MTHFD1L: variants seen among roughly 807,000 people sequenced by gnomAD.
MTHFD1L encodes the protein methylenetetrahydrofolate dehydrogenase (NADP+ dependent) 1 like.
A neutral mutation model predicts 119.5 loss-of-function variants in MTHFD1L; 81 were observed. That is an observed-to-expected ratio of 0.68 (90% CI 0.57 to 0.82). MTHFD1L has a LOEUF of 0.82. MTHFD1L is among the 40% of genes least tolerant of loss of function. The pLI is 0.00. For missense variants in MTHFD1L, 1,125 were observed against 1,253.4 expected (o/e 0.90, Z 1.55); for synonymous variants, 430 against 475.2 (o/e 0.90, Z 1.24).
chr6:150,869,206 C>T (rs1054547695), intron 1 of MTHFD1L, among the ~76,000 whole-genome samples: 6 of 152,196 alleles, frequency 3.9e-5, no homozygotes, highest in South Asian at 2.1e-4. Flanking sequence ...ACGTGCCGAA[C>T]GTGCAGGTTT....
chr6:150,998,664 T>G (rs1252137380), intron 20 of MTHFD1L, among the ~76,000 whole-genome samples: 1 of 149,894 alleles, frequency 6.7e-6, no homozygotes, highest in Admixed American at 6.8e-5. Context: ...ATCTTTCATA[T>G]ATGCACAAAA....
At chr6:151,023,018 T>C (rs986392513) in intron 24 of MTHFD1L, among the ~76,000 whole-genome samples, 1 of 151,522 alleles carries the variant, frequency 6.6e-6, no homozygotes, top group African/African-American at 2.4e-5. Context: ...TTATGTTTTT[T>C]TGTTTGTTGG....
chr6:151,032,200 G>A (rs60795610), intron 24 of MTHFD1L, among the ~76,000 whole-genome samples: 30,731 of 152,164 alleles, frequency 0.2, 3,640 homozygotes, highest in Middle Eastern at 0.3. Context: ...GCATCCCTGA[G>A]ACTGGTTAAT....
intron 24 of MTHFD1L, among the ~76,000 whole-genome samples, chr6:151,017,010 G>A (rs568564399): frequency 1.0e-4 from 15 of 147,544 alleles, no homozygotes; most frequent in Admixed American, 5.4e-4. Flanking sequence ...CCTGAGCTCC[G>A]GCAGTCCACC....
rs569823350 is a variant in MTHFD1L, at chr6:151,008,058, G to A, written c.2126-1761G>A. Among the ~76,000 whole-genome samples, 149 of 151,998 alleles carry A rather than the reference G, an allele frequency of 9.8e-4. 1 individual carries two copies. The highest frequency in any genetic ancestry group is 5.7e-4 in the Non-Finnish European group (39 of 67,990). On this transcript the variant is annotated intron_variant, in intron 20 of 27. Coordinates refer to ENST00000367321, the MANE Select transcript of MTHFD1L (RefSeq NM_015440.5). ...CTCTGGCCCTATTACCTTACCCTTG[G>A]GAATTTATTCCAAGAACGTAATTTG...
chr6:150,935,250 G>A (rs1791856056), intron 11 of MTHFD1L: 2 of 1,611,762 alleles, frequency 1.2e-6, no homozygotes, highest in South Asian at 2.2e-5. Context: ...TGCACAGATG[G>A]CATTGTATTT....
chr6:150,877,340 C>T lies in MTHFD1L; in HGVS notation c.313-294C>T, dbSNP rs140402620. ...GTGCTGGGATTACAGGCATGAGCCA[C>T]TGTGCCCAGTCGGTGTCCTCATTTT... On this transcript the variant is annotated intron_variant, in intron 2 of 27. Transcript: ENST00000367321. 3.5e-3 allele frequency among the ~76,000 whole-genome samples: 532 copies of T among 152,340 alleles called. 4 individuals are homozygous for T. The highest frequency in any genetic ancestry group is 0.012 in the African/African-American group (488 of 41,586).
chr6:151,091,743 C>T (rs757760896), intron 26 of MTHFD1L, among the ~76,000 whole-genome samples: 12 of 152,018 alleles, frequency 7.9e-5, no homozygotes, highest in Admixed American at 1.3e-4. Context: ...GTGGCTGTGG[C>T]GGTATGGTAG....
chr6:150,944,730 GTCCCTGTT>G, intron 14 of MTHFD1L, 137 bp downstream of exon 14: 1 of 666,362 alleles, frequency 1.5e-6, no homozygotes, highest in East Asian at 2.8e-5. Context: ...TTTTACATAT[GTCCCTGTT>G]TCCCAAGGAG....
chr6:150,916,292 CTTTTTTTT>C (rs71554488), intron 8 of MTHFD1L, among the ~76,000 whole-genome samples: 3 of 39,986 alleles, frequency 7.5e-5, no homozygotes, highest in Middle Eastern at 0.022. Context: ...AAGGTAGAAT[CTTTTTTTT>C]TTTTTTTTTT....
At chr6:150,881,744 C>T (rs1176994786) in intron 4 of MTHFD1L, among the ~76,000 whole-genome samples, 3 of 152,122 alleles carry the variant, frequency 2.0e-5, no homozygotes, top group Admixed American at 6.5e-5. Context: ...ATAAGATCCA[C>T]GAGGACAGTT....
At chr6:150,868,610 T>A (rs754044842) in intron 1 of MTHFD1L, among the ~76,000 whole-genome samples, 30 of 152,164 alleles carry the variant, frequency 2.0e-4, no homozygotes, top group Non-Finnish European at 4.0e-4. Flanking sequence ...GTGCTGGGAT[T>A]ACAGGTGTGA....
chr6:150,915,215 C>T (rs1423872114), intron 8 of MTHFD1L, among the ~76,000 whole-genome samples: 1 of 152,268 alleles, frequency 6.6e-6, no homozygotes, highest in East Asian at 1.9e-4. Context: ...CAGCCCAACA[C>T]AAATTCATAA....
intron 7 of MTHFD1L, among the ~76,000 whole-genome samples, chr6:150,889,089 A>G (rs1007733774): frequency 1.2e-4 from 18 of 152,082 alleles, no homozygotes; most frequent in Admixed American, 2.6e-4. Context: ...AGGCAGGAGA[A>G]TCGCTTGAAC....
chr6:150,935,054 T>C, intron 11 of MTHFD1L: 1 of 1,613,860 alleles, frequency 6.2e-7, no homozygotes, highest in Non-Finnish European at 8.5e-7. Flanking sequence ...GGGTTTGGAC[T>C]GTGCTGGAAA....
At chr6:151,051,492 C>A (rs1789028948) in intron 26 of MTHFD1L, among the ~76,000 whole-genome samples, 1 of 152,186 alleles carries the variant, frequency 6.6e-6, no homozygotes, top group Non-Finnish European at 1.5e-5. Context: ...TTCTAGCGCT[C>A]TGTGGCTACT....
chr6:151,006,240 C>T (rs1293979965), intron 20 of MTHFD1L, among the ~76,000 whole-genome samples: 2 of 152,148 alleles, frequency 1.3e-5, no homozygotes, highest in Non-Finnish European at 2.9e-5. Context: ...CCGAAAGCAT[C>T]AGGACAAGCT....
At chr6:150,974,539 T>G (rs1776265907) in intron 20 of MTHFD1L, among the ~76,000 whole-genome samples, 1 of 152,112 alleles carries the variant, frequency 6.6e-6, no homozygotes, top group Non-Finnish European at 1.5e-5. Context: ...CCCATGCCCA[T>G]TAAATATTCC....
At chr6:151,025,114 C>A (rs1330667154) in intron 24 of MTHFD1L, among the ~76,000 whole-genome samples, 1 of 152,220 alleles carries the variant, frequency 6.6e-6, no homozygotes, top group Non-Finnish European at 1.5e-5. Flanking sequence ...GCGAGCCTTT[C>A]TTCCATTTCC....
Sources: allele counts gnomAD v4.1 joint callset (sites outside exome capture counted in the v4.1 genomes callset), GRCh38; gene constraint gnomAD v4.1.1; transcripts MANE v1.5; gene names NCBI Gene and HGNC (gene_info 2026-07-23, HGNC 2026-07-21).